The following DCAF15 variants were observed in gnomAD, a reference collection of about 807,000 sequenced individuals.
DCAF15 encodes DDB1- and CUL4-associated factor 15.
In DCAF15, 24 loss-of-function variants were observed where a neutral mutation model predicts 68.0. The observed-to-expected ratio is 0.35, with a 90% CI of 0.26 to 0.50. The LOEUF (loss-of-function observed/expected upper bound fraction) is 0.50. Among genes scored for constraint, DCAF15 ranks in the 20% least tolerant of loss-of-function variants. The probability of loss-of-function intolerance (pLI) is 0.98; values close to 1 mark genes in which losing one functional copy is unlikely to be tolerated. For missense variants in DCAF15, 627 were observed against 830.6 expected (o/e 0.75, Z 3.01); for synonymous variants, 376 against 341.6 (o/e 1.10, Z -1.11).
intron 12 of DCAF15, among the ~76,000 whole-genome samples, 167 bp downstream of exon 12, chr19:13,960,747 C>A (rs1021202281): frequency 6.6e-6 from 1 of 152,210 alleles, no homozygotes; most frequent in Non-Finnish European, 1.5e-5. Context: ...TGGGAGCCTC[C>A]CACCAGTCAT....
Position 13,956,031 on chromosome 19 carries a change from G to A in DCAF15, c.473+13G>A, listed in dbSNP as rs369723853. 28 of 1,613,098 alleles carry A rather than the reference G, an allele frequency of 1.7e-5. No individual in the cohort carries two copies. Among genetic ancestry groups the A allele is most frequent in the South Asian group, 6.6e-5 (6 of 91,080 alleles). On this transcript the variant is annotated intron_variant, in intron 4 of 12. Coordinates refer to ENST00000254337, the MANE Select transcript of DCAF15 (RefSeq NM_138353.4). The stretch of plus-strand genomic sequence containing the variant: ...TCTTCGGCTTCAAGTGAGACCAGGC[G>A]CCTGGGGGAGCCTTGGCTGGTTGGG...
chr19:13,957,814 G>A (rs1221420409), intron 6 of DCAF15, among the ~76,000 whole-genome samples: 1 of 152,086 alleles, frequency 6.6e-6, no homozygotes, highest in African/African-American at 2.4e-5. Flanking sequence ...GAGACTGAGG[G>A]AGGCGGAGGT....
Position 13,956,503 on chromosome 19 carries a change from C to T in DCAF15, c.765C>T (p.Ala255=), listed in dbSNP as rs760956607. 15 of 1,613,278 alleles carry T rather than the reference C, an allele frequency of 9.3e-6. No homozygotes were observed. Among genetic ancestry groups the T allele is most frequent in the Non-Finnish European group, 1.3e-5 (15 of 1,180,016 alleles). The change falls in exon 6 of 13, where the codon GCC becomes GCT. Residue 255 remains alanine, a synonymous_variant. Coordinates refer to ENST00000254337, the MANE Select transcript of DCAF15 (RefSeq NM_138353.4). The part of the protein sequence containing the change: ...LNTSYSLVAC[A]VSVHSAGDRS... ...CCAGCTACTCCCTGGTGGCCTGCGC[C>T]GTCTCCGTCCACTCGGCAGGTAGGC...
chr19:13,960,713 C>T, intron 12 of DCAF15, 133 bp downstream of exon 12: 2 of 1,045,030 alleles, frequency 1.9e-6, no homozygotes, highest in Non-Finnish European at 2.8e-6. Flanking sequence ...AGGCCCAGCT[C>T]AGCAGCCCTG....
In DCAF15 at chr19:13,960,576, C is replaced by T. The variant is rs1568451658; in HGVS notation, c.1743C>T (p.His581=). 6.3e-7 allele frequency: 1 copy of T among 1,585,690 alleles called. No homozygotes were observed. The highest frequency in any genetic ancestry group is 8.6e-7 in the Non-Finnish European group (1 of 1,167,368). Residue 581 remains histidine, a synonymous_variant, in exon 12 of 13, where the codon CAC becomes CAT. Transcript: ENST00000254337. ...YVNRMTNEAL[H]KGCSLKVLAD... ...ACAGGATGACCAATGAGGCGCTGCA[C>T]AAAGGTGGGGCTCGGTGACCCCGTG... is the stretch of plus-strand genomic sequence containing the variant.
intron 12 of DCAF15, 126 bp from the exon 13 acceptor site, chr19:13,960,813 TG>T: frequency 8.2e-7 from 1 of 1,212,242 alleles, no homozygotes; most frequent in Non-Finnish European, 1.2e-6. Context: ...AGGCTAGAGG[TG>T]GAGGGCAACT....
intron 2 of DCAF15, 28 bp from the exon 3 acceptor site, chr19:13,954,498 G>A (rs746725079): frequency 1.2e-6 from 2 of 1,613,900 alleles, no homozygotes; most frequent in Non-Finnish European, 8.5e-7. Flanking sequence ...GCCCTGACCT[G>A]GCCGCTGTGC....
chr19:13,952,575 G>A lies in DCAF15; in HGVS notation c.63G>A (p.Gly21=). The change falls in exon 1 of 13, where the codon GGG becomes GGA. Residue 21 remains glycine, a synonymous_variant. Transcript: ENST00000254337. ...CTGGGAGCGGCGGCGGCGGCCCCGG[G>A]GGAGCCGGAGGGAAGCGGGCAGCAG... ...SGAGSGGGGP[G]GAGGKRAAGR... 1 of 1,265,578 alleles carries A rather than the reference G, an allele frequency of 7.9e-7. No homozygotes were observed. Among genetic ancestry groups the A allele is most frequent in the Non-Finnish European group, 1.0e-6 (1 of 1,001,816 alleles). The allele number at this position is 1,265,578 out of a possible 1,614,324, so 78.4% of individuals were successfully genotyped here.
intron 6 of DCAF15, among the ~76,000 whole-genome samples, chr19:13,958,449 TGTA>T (rs755915747): frequency 2.6e-5 from 4 of 151,994 alleles, no homozygotes; most frequent in Non-Finnish European, 5.9e-5. Flanking sequence ...AGGGGTTGCT[TGTA>T]GGGGGCTTGG....
chr19:13,958,355 G>C (rs1049583396), intron 6 of DCAF15, among the ~76,000 whole-genome samples: 3 of 152,228 alleles, frequency 2.0e-5, no homozygotes, highest in Admixed American at 6.5e-5. Flanking sequence ...GGTGGTGGAG[G>C]GGAGCCCGTA....
At chr19:13,956,095 A>T (rs752482909) in intron 4 of DCAF15, 28 bp from the exon 5 acceptor site, 155 of 1,610,138 alleles carry the variant, frequency 9.6e-5, no homozygotes, top group Non-Finnish European at 1.3e-4. Flanking sequence ...GGCGCCGACC[A>T]GGCAGCTGAG....
chr19:13,953,157 G>C, intron 1 of DCAF15: 1 of 1,543,132 alleles, frequency 6.5e-7, no homozygotes, highest in Non-Finnish European at 8.8e-7. Flanking sequence ...GGAGCTCCCT[G>C]GATAGGGCTG....
At position 13,960,037 on chromosome 19, in the gene DCAF15, C is replaced by G; in HGVS notation, c.1494C>G (p.Ala498=). ...VLINIGLLLL[A]FPSPTEEGQL... is the part of the protein sequence containing the mutation. ...TCAACATTGGCCTGCTGCTCCTGGCCTTCCCGTCCCCCACTGAGGAGGGCC... is the reference window on the plus strand; with the variant it reads ...TCAACATTGGCCTGCTGCTCCTGGCGTTCCCGTCCCCCACTGAGGAGGGCC... Residue 498 remains alanine (A), a synonymous_variant, in exon 10 of 13, where the codon GCC becomes GCG. Coordinates refer to ENST00000254337, the MANE Select transcript of DCAF15 (RefSeq NM_138353.4). The G allele has an allele frequency of 6.2e-7, 1 of 1,613,872 alleles. No homozygotes were observed. The highest frequency in any genetic ancestry group is 8.5e-7 in the Non-Finnish European group (1 of 1,180,012).
intron 6 of DCAF15, 98 bp downstream of exon 6, chr19:13,956,620 G>A: frequency 1.5e-6 from 2 of 1,368,820 alleles, no homozygotes; most frequent in Non-Finnish European, 2.0e-6. Context: ...AGAGAGGTGG[G>A]AGCTACTTCC....
Position 13,954,988 on chromosome 19 carries a change from G to A in DCAF15, c.366+327G>A, listed in dbSNP as rs572964499. ...CTGGGCATATTGGCGTGTGCCTGTAGTCAGCTCCTCTGGAGGCTGAGGCAG... is the reference window on the plus strand; with the variant it reads ...CTGGGCATATTGGCGTGTGCCTGTAATCAGCTCCTCTGGAGGCTGAGGCAG... On this transcript the variant is annotated intron_variant, in intron 3 of 12. Transcript: ENST00000254337. Among the ~76,000 whole-genome samples the A allele has an allele frequency of 5.3e-5, 8 of 152,268 alleles. No homozygotes were observed. In the South Asian group the frequency reaches 1.7e-3, roughly 32 times the overall value.
intron 1 of DCAF15, among the ~76,000 whole-genome samples, 164 bp from the exon 2 acceptor site, chr19:13,954,176 T>C (rs1973233243): frequency 6.6e-6 from 1 of 152,206 alleles, no homozygotes; most frequent in African/African-American, 2.4e-5. Flanking sequence ...ACTGTCCCCA[T>C]CTGCCTCAGT....
At position 13,959,892 on chromosome 19, in the gene DCAF15, G is replaced by GGAGGTGGGCCCAGGGCGGGC. The variant is rs1247975821; in HGVS notation, c.1438_1440+17dup. 1.0e-5 allele frequency: 10 copies of GGAGGTGGGCCCAGGGCGGGC among 958,274 alleles called. No individual in the cohort carries two copies. The East Asian group carries it at 1.7e-4, about 17-fold the overall frequency. The allele number at this position is 958,274 out of a possible 1,614,324, so 59.4% of individuals were successfully genotyped here. On this transcript the variant is annotated frameshift_variant, in exon 9 of 13. Coordinates refer to ENST00000254337, the MANE Select transcript of DCAF15 (RefSeq NM_138353.4). LOFTEE classifies it high-confidence loss of function. The stretch of plus-strand genomic sequence containing the variant: ...TCAGCGACTATGACATCGTCATTCT[G>GGAGGTGGGCCCAGGGCGGGC]GAGGTGGGCCCAGGGCGGGCAGGGT...
Position 13,955,869 on chromosome 19 carries a change from G to T in DCAF15, c.367-43G>T, listed in dbSNP as rs372063043. 8 of 1,603,224 alleles carry T rather than the reference G, an allele frequency of 5.0e-6. No individual in the cohort carries two copies. The South Asian group carries it at 8.8e-5, about 18-fold the overall frequency. On this transcript the variant is annotated intron_variant, in intron 3 of 12. Transcript: ENST00000254337. ...CATCGTACAGCTTCGGGGGACCTCC[G>T]CAGTTTCCCTGACCCGGTGCTGCCC...
chr19:13,957,556 G>A (rs779715703), intron 6 of DCAF15, among the ~76,000 whole-genome samples: 18 of 152,308 alleles, frequency 1.2e-4, no homozygotes, highest in African/African-American at 2.9e-4. Context: ...TGTCAGATGC[G>A]TGCACATGTG....
Sources: gnomAD v4.1 joint callset for allele counts (sites outside exome capture counted in the v4.1 genomes callset) on GRCh38, gnomAD v4.1.1 for gene constraint, MANE v1.5 for transcripts, NCBI Gene and HGNC (gene_info 2026-07-23, HGNC 2026-07-21) for gene names.